The following PPP1R15B variants were observed in gnomAD, a reference collection of about 807,000 sequenced individuals.
PPP1R15B encodes the protein protein phosphatase 1, regulatory (inhibitor) subunit 15B.
PPP1R15B carries 31 observed loss-of-function variants against 53.9 expected under a neutral mutation model. The observed-to-expected ratio is 0.58, with a 90% CI of 0.43 to 0.78. The LOEUF is 0.78. PPP1R15B is among the 30% of genes least tolerant of loss of function. The probability of loss-of-function intolerance (pLI) is 0.00; values close to 1 mark genes in which losing one functional copy is unlikely to be tolerated. For missense variants in PPP1R15B, 928 were observed against 849.6 expected (o/e 1.09, Z -1.15); for synonymous variants, 345 against 329.1 (o/e 1.05, Z -0.52).
rs930352513 is a variant in PPP1R15B, at chr1:204,411,659, G to T, written c.-248C>A. On this transcript the variant is annotated 5_prime_UTR_variant, in exon 1 of 2. Coordinates refer to ENST00000367188, the MANE Select transcript of PPP1R15B (RefSeq NM_032833.5). ...GACTTCCATCCTGGCGGGGAAGGAGGTTCCCTAGTCGGCTCGACGCTTCAA... is the reference window on the plus strand; with the variant it reads ...GACTTCCATCCTGGCGGGGAAGGAGTTTCCCTAGTCGGCTCGACGCTTCAA... 22 of 587,730 alleles carry T rather than the reference G, an allele frequency of 3.7e-5. No homozygotes were observed. Among genetic ancestry groups the T allele is most frequent in the Non-Finnish European group, 6.0e-5 (20 of 332,316 alleles). 36.4% of individuals were successfully genotyped at this position (587,730 alleles called of 1,614,324 possible).
chr1:204,398,574 T>C (rs1297057903), downstream of PPP1R15B, among the ~76,000 whole-genome samples: 1 of 152,044 alleles, frequency 6.6e-6, no homozygotes, highest in Non-Finnish European at 1.5e-5. Context: ...CACAAAAAGG[T>C]GGAGTCACAC....
Position 204,409,593 on chromosome 1 carries a change from A to G in PPP1R15B, c.1819T>C (p.Cys607Arg). Residue 607 changes from cysteine to arginine, a missense_variant, in exon 1 of 2, where the codon TGT becomes CGT. By Grantham distance (180) the Cys-to-Arg change is radical. Transcript: ENST00000367188. ...TGGCTCCCCAACAGCTGCACCTTAC[A>G]AGAAAGTAAGGTGTGACACTCAGAA... ...AISECHTLLS[C>R]KVQLLGSQES... 2.5e-6 allele frequency: 4 copies of G among 1,614,164 alleles called. 1 individual carries two copies. The highest frequency in any genetic ancestry group is 3.4e-6 in the Non-Finnish European group (4 of 1,180,030).
chr1:204,411,764 G>A lies in PPP1R15B; in HGVS notation c.-353C>T, dbSNP rs1674385729. On this transcript the variant is annotated 5_prime_UTR_variant, in exon 1 of 2. Coordinates refer to ENST00000367188, the MANE Select transcript of PPP1R15B (RefSeq NM_032833.5). ...GGGTTGAAAAGCCCCTGAGCAACGC[G>A]ATACCGGAAGGACTGGGTAGGCCGG... 1.3e-5 allele frequency: 4 copies of A among 319,610 alleles called. No homozygotes were observed. The highest frequency in any genetic ancestry group is 2.0e-3 in the Middle Eastern group (2 of 990). 19.8% of individuals were successfully genotyped at this position (319,610 alleles called of 1,614,324 possible).
chr1:204,403,780 T>A lies in PPP1R15B; in HGVS notation c.*2312A>T, dbSNP rs1311949164. On this transcript the variant is annotated 3_prime_UTR_variant, in exon 2 of 2. Coordinates refer to ENST00000367188, the MANE Select transcript of PPP1R15B (RefSeq NM_032833.5). ...AACTTTGTTCTAACTAGAATTGGGA[T>A]GAAACAAGAATTTTGCTTTTTTCTC... 1.0e-6 allele frequency: 1 copy of A among 985,708 alleles called. No homozygotes were observed. The highest frequency in any genetic ancestry group is 6.1e-5 in the Admixed American group (1 of 16,270). 61.1% of individuals were successfully genotyped at this position (985,708 alleles called of 1,614,324 possible).
intron 1 of PPP1R15B, among the ~76,000 whole-genome samples, 156 bp from the exon 2 acceptor site, chr1:204,406,469 A>T (rs1401312170): frequency 6.6e-6 from 1 of 151,466 alleles, no homozygotes; most frequent in African/African-American, 2.4e-5. Context: ...ATTTGAAGTT[A>T]AAAAAAAAGT....
downstream of PPP1R15B, among the ~76,000 whole-genome samples, chr1:204,399,127 T>C (rs187261075): frequency 3.9e-5 from 6 of 152,284 alleles, no homozygotes; most frequent in Non-Finnish European, 4.4e-5. Context: ...AGAGGTGACT[T>C]TGGGAAAGCT....
downstream of PPP1R15B, chr1:204,403,352 T>C: frequency 1.7e-6 from 1 of 591,272 alleles, no homozygotes; most frequent in Non-Finnish European, 2.1e-6. Flanking sequence ...CTATGATACA[T>C]ATAATATAAA....
Position 204,411,002 on chromosome 1 carries a change from G to C in PPP1R15B, c.410C>G (p.Thr137Ser), listed in dbSNP as rs376604736. ...LQLDSSDPSV[T>S]SPLDWLEEGI... The stretch of plus-strand genomic sequence containing the variant: ...CTCCTCTAGCCAATCAAGGGGACTG[G>C]TGACCGAGGGGTCTGAGGAGTCGAG... The change falls in exon 1 of 2, where the codon ACC (threonine) becomes AGC (serine). Residue 137 changes from threonine to serine, a missense_variant. Transcript: ENST00000367188. 16 of 1,614,068 alleles carry C rather than the reference G, an allele frequency of 9.9e-6. No homozygotes were observed. The highest frequency in any genetic ancestry group is 1.3e-5 in the Non-Finnish European group (15 of 1,180,032).
chr1:204,410,432 T>C lies in PPP1R15B; in HGVS notation c.980A>G (p.Glu327Gly), dbSNP rs756523811. 22 of 1,614,126 alleles carry C rather than the reference T, an allele frequency of 1.4e-5. No homozygotes were observed. The highest frequency in any genetic ancestry group is 1.9e-5 in the Non-Finnish European group (22 of 1,180,052). ...ATCCATCCGGAGAAGGCTGTGTTCC[T>C]CCTCCAGGCTGTGGTAGCCATTATC... ...DQDNGYHSLE[E>G]EHSLLRMDPK... The change falls in exon 1 of 2, where the codon GAG becomes GGG. Residue 327 changes from glutamate (E) to glycine (G), a missense_variant. Transcript: ENST00000367188.
At chr1:204,396,390 A>AAAAACAAAAACAAAAAC, downstream of PPP1R15B, among the ~76,000 whole-genome samples, 1 of 138,948 alleles carries the variant, frequency 7.2e-6, no homozygotes, top group Admixed American at 7.0e-5. Flanking sequence ...AAACAAAAAA[A>AAAAACAAAAACAAAAAC]AAAAAACAAA....
chr1:204,407,359 G>A (rs180990861), intron 1 of PPP1R15B, among the ~76,000 whole-genome samples: 48 of 152,160 alleles, frequency 3.2e-4, no homozygotes, highest in Admixed American at 1.6e-3. Context: ...CACTATATAT[G>A]AAATTGTGAT....
At chr1:204,403,351 A>G, downstream of PPP1R15B, 1 of 586,974 alleles carries the variant, frequency 1.7e-6, no homozygotes, top group Non-Finnish European at 2.1e-6. Flanking sequence ...ACTATGATAC[A>G]TATAATATAA....
chr1:204,404,632 T>C lies in PPP1R15B; in HGVS notation c.*1460A>G. On this transcript the variant is annotated 3_prime_UTR_variant, in exon 2 of 2. Transcript: ENST00000367188. ...TTAGAACTGGATAGAAATAAAATAA[T>C]GACCAGGTAGATTGTAAACTGAGGT... 1 of 985,666 alleles carries C rather than the reference T, an allele frequency of 1.0e-6. No individual in the cohort carries two copies. The highest frequency in any genetic ancestry group is 1.2e-6 in the Non-Finnish European group (1 of 829,780). The allele number at this position is 985,666 out of a possible 1,614,324, so 61.1% of individuals were successfully genotyped here. A position where few individuals can be genotyped will look rare whatever the true frequency, so the allele number is the denominator to read the frequency against.
intron 1 of PPP1R15B, among the ~76,000 whole-genome samples, chr1:204,408,843 G>A (rs1319774625): frequency 6.6e-6 from 1 of 152,160 alleles, no homozygotes; most frequent in African/African-American, 2.4e-5. Context: ...TTAACCTGTA[G>A]CTGACCACTG....
chr1:204,406,689 T>C (rs1183756141), intron 1 of PPP1R15B, among the ~76,000 whole-genome samples: 3 of 151,672 alleles, frequency 2.0e-5, no homozygotes, highest in African/African-American at 7.3e-5. Context: ...GAGGTGGAGG[T>C]TGCAGTGAGC....
rs1314927833 is a variant in PPP1R15B at position 204,405,544 on chromosome 1, A to C, written c.*548T>G. ...TTTACAAGAAAAAAAAAAGTGACACAAAATAATGCACTTTAAGTTGGTAGC... is the reference window on the plus strand; with the variant it reads ...TTTACAAGAAAAAAAAAAGTGACACCAAATAATGCACTTTAAGTTGGTAGC... On this transcript the variant is annotated 3_prime_UTR_variant, in exon 2 of 2. Transcript: ENST00000367188. The C allele has an allele frequency of 7.1e-6, 7 of 982,884 alleles. No homozygotes were observed. The African/African-American group carries it at 1.2e-4, about 17-fold the overall frequency. 60.9% of individuals were successfully genotyped at this position (982,884 alleles called of 1,614,324 possible). A position where few individuals can be genotyped will look rare whatever the true frequency, so the allele number is the denominator to read the frequency against.
chr1:204,404,142 G>C lies in PPP1R15B; in HGVS notation c.*1950C>G. The C allele has an allele frequency of 1.0e-6, 1 of 985,340 alleles. No homozygotes were observed. 61.0% of individuals were successfully genotyped at this position (985,340 alleles called of 1,614,324 possible). Reference sequence around the variant, plus strand: ...TTTCCAACCGACATTGCTGTTGCTTGAAACTAGCCTGTTTTCATGTTATTA... The same window carrying C: ...TTTCCAACCGACATTGCTGTTGCTTCAAACTAGCCTGTTTTCATGTTATTA... On this transcript the variant is annotated 3_prime_UTR_variant, in exon 2 of 2. Coordinates refer to ENST00000367188, the MANE Select transcript of PPP1R15B (RefSeq NM_032833.5).
chr1:204,402,637 G>A (rs537211643), downstream of PPP1R15B, among the ~76,000 whole-genome samples: 2 of 151,856 alleles, frequency 1.3e-5, no homozygotes, highest in African/African-American at 4.8e-5. Context: ...GCTCAGGCTG[G>A]TCTTGAACTC....
Position 204,409,517 on chromosome 1 carries a change from C to A in PPP1R15B, c.1895G>T (p.Arg632Ile). ...SVQRDVLSGG[R>I]HTHVKRKKVT... ...CTTTTTTCTTTTGACATGTGTGTGT[C>A]TTCCTCCAGAAAGAACGTCACGCTG... The change falls in exon 1 of 2, where the codon AGA (arginine) becomes ATA (isoleucine). Residue 632 changes from arginine to isoleucine, a missense_variant. Transcript: ENST00000367188. 1.2e-6 allele frequency: 2 copies of A among 1,612,658 alleles called. No homozygotes were observed. The highest frequency in any genetic ancestry group is 3.3e-5 in the Admixed American group (2 of 59,736).
Sources: gnomAD v4.1 joint callset for allele counts (sites outside exome capture counted in the v4.1 genomes callset) on GRCh38, gnomAD v4.1.1 for gene constraint, MANE v1.5 for transcripts, NCBI Gene and HGNC (gene_info 2026-07-23, HGNC 2026-07-21) for gene names.